The following COL8A1 variants were observed in gnomAD, a reference collection of about 807,000 sequenced individuals.
COL8A1 encodes the protein collagen type VIII alpha 1 chain, also known as collagen alpha-1(VIII) chain.
A neutral mutation model predicts 42.7 loss-of-function variants in COL8A1; 21 were observed. The observed-to-expected ratio is 0.49, with a 90% CI of 0.35 to 0.71. The LOEUF is 0.71. Among genes scored for constraint, COL8A1 ranks in the 30% least tolerant of loss-of-function variants. The pLI is 0.01. For synonymous variants in COL8A1, 367 were observed against 369.1 expected, an observed-to-expected ratio of 0.99 and a Z score of 0.06; for missense variants, 788 against 962.4, an observed-to-expected ratio of 0.82 and a Z score of 2.40.
intron 2 of COL8A1, among the ~76,000 whole-genome samples, chr3:99,746,722 T>G (rs1559625842): frequency 6.6e-6 from 1 of 152,230 alleles, no homozygotes; most frequent in Non-Finnish European, 1.5e-5. Context: ...TTCAATAAAC[T>G]ATTTCATTCA....
chr3:99,679,286 C>T (rs1938794401), intron 1 of COL8A1: 1 of 152,154 alleles, frequency 6.6e-6, no homozygotes, highest in South Asian at 2.1e-4. Context: ...CAGATGGAAG[C>T]TGGACACATG....
intron 1 of COL8A1, among the ~76,000 whole-genome samples, chr3:99,722,669 G>T (rs1433870467): frequency 2.0e-5 from 3 of 151,916 alleles, no homozygotes; most frequent in East Asian, 1.9e-4. Flanking sequence ...TAACTTTTTT[G>T]TCCATCTCTT....
chr3:99,650,757 C>T (rs1031915093), intron 1 of COL8A1, among the ~76,000 whole-genome samples: 1 of 152,148 alleles, frequency 6.6e-6, no homozygotes, highest in Non-Finnish European at 1.5e-5. Flanking sequence ...GGATTTTTTA[C>T]ATTTTATTTT....
At chr3:99,743,393 C>T (rs1446273049) in intron 1 of COL8A1, among the ~76,000 whole-genome samples, 3 of 152,226 alleles carry the variant, frequency 2.0e-5, no homozygotes, top group Non-Finnish European at 2.9e-5. Flanking sequence ...GCTGTATCCA[C>T]CCTTCAGGCC....
chr3:99,652,682 G>C (rs1186950320), intron 1 of COL8A1, among the ~76,000 whole-genome samples: 2 of 152,190 alleles, frequency 1.3e-5, no homozygotes, highest in East Asian at 1.9e-4. Context: ...TTTTCAAGAA[G>C]AGAACCCAAA....
intron 1 of COL8A1, among the ~76,000 whole-genome samples, chr3:99,695,334 G>T (rs1939336607): frequency 6.6e-6 from 1 of 152,104 alleles, no homozygotes; most frequent in African/African-American, 2.4e-5. Context: ...AAGCATAAAT[G>T]ATTTTTAAAC....
chr3:99,719,228 A>C (rs1940083884), intron 1 of COL8A1, among the ~76,000 whole-genome samples: 1 of 152,106 alleles, frequency 6.6e-6, no homozygotes. Context: ...TTATCATTAA[A>C]GACTTAAAAA....
rs201189348 is a variant in COL8A1 at position 99,795,885 on chromosome 3, T to A, written c.1984T>A (p.Tyr662Asn). 3.7e-6 allele frequency: 6 copies of A among 1,614,204 alleles called. No homozygotes were observed. Among genetic ancestry groups the A allele is most frequent in the Non-Finnish European group, 5.1e-6 (6 of 1,180,026 alleles). ...IFTCEVPGVYYFAYHVHCKGG... is the reference protein window; with the variant it reads ...IFTCEVPGVYNFAYHVHCKGG... ...CACCTGTGAGGTCCCTGGTGTCTAC[T>A]ACTTTGCATACCACGTTCACTGCAA... The change falls in exon 4 of 4, where the codon TAC becomes AAC. Residue 662 changes from tyrosine to asparagine, a missense_variant. Coordinates refer to ENST00000652472, the MANE Select transcript of COL8A1 (RefSeq NM_020351.4).
In COL8A1 at chr3:99,787,153, G is replaced by A. The variant is rs78747143; in HGVS notation, c.-3-3527G>A. 2.5e-3 allele frequency among the ~76,000 whole-genome samples: 375 copies of A among 152,232 alleles called. 1 individual carries two copies. The highest frequency in any genetic ancestry group is 8.6e-3 in the African/African-American group (356 of 41,538). The stretch of plus-strand genomic sequence containing the variant: ...GTATAGTAAGCCAATGAGGATAAAC[G>A]TACAAATAGAATGCTGATGAGCATT... On this transcript the variant is annotated intron_variant, in intron 2 of 3. Transcript: ENST00000652472.
chr3:99,786,196 C>T (rs565627385), intron 2 of COL8A1, among the ~76,000 whole-genome samples: 4 of 152,262 alleles, frequency 2.6e-5, no homozygotes, highest in African/African-American at 9.6e-5. Context: ...TCCAAAACAT[C>T]GGAGCTCTTC....
At chr3:99,725,579 C>A (rs1347554752) in intron 1 of COL8A1, among the ~76,000 whole-genome samples, 1 of 109,656 alleles carries the variant, frequency 9.1e-6, no homozygotes, top group Non-Finnish European at 1.7e-5. Flanking sequence ...CCCCACCCTA[C>A]AACAGTCCCA....
At chr3:99,756,661 C>T (rs553437443) in intron 2 of COL8A1, among the ~76,000 whole-genome samples, 6 of 152,146 alleles carry the variant, frequency 3.9e-5, no homozygotes, top group Non-Finnish European at 8.8e-5. Flanking sequence ...GGTCTCTGAG[C>T]CAGTGGTTCT....
At chr3:99,714,751 C>A (rs1470391531) in intron 1 of COL8A1, among the ~76,000 whole-genome samples, 1 of 152,018 alleles carries the variant, frequency 6.6e-6, no homozygotes, top group Admixed American at 6.6e-5. Context: ...AAAGTGCTCA[C>A]ACTCTAGTGG....
At chr3:99,646,770 A>C (rs1237001793) in intron 1 of COL8A1, among the ~76,000 whole-genome samples, 5 of 152,222 alleles carry the variant, frequency 3.3e-5, no homozygotes, top group Non-Finnish European at 7.3e-5. Flanking sequence ...GGTAAGTGGA[A>C]AGTAAAAAAA....
At chr3:99,765,660 C>G (rs995725568) in intron 2 of COL8A1, among the ~76,000 whole-genome samples, 2 of 152,122 alleles carry the variant, frequency 1.3e-5, no homozygotes, top group Non-Finnish European at 2.9e-5. Flanking sequence ...GTGGTATTTT[C>G]TCAATATCAT....
chr3:99,664,774 T>C lies in COL8A1; in HGVS notation c.-129+26110T>C, dbSNP rs185167803. Among the ~76,000 whole-genome samples the C allele has an allele frequency of 2.0e-5, 3 of 152,330 alleles. No homozygotes were observed. In the East Asian group the frequency reaches 5.8e-4, roughly 29 times the overall value. The stretch of plus-strand genomic sequence containing the variant: ...AACCTGCTTTCCATCGACTGAAGAA[T>C]CTTAATTGCATAGTATCAACTGGCT... On this transcript the variant is annotated intron_variant, in intron 1 of 3. Transcript: ENST00000652472.
chr3:99,662,694 G>T (rs901525663), intron 1 of COL8A1, among the ~76,000 whole-genome samples: 7 of 152,266 alleles, frequency 4.6e-5, no homozygotes, highest in East Asian at 1.9e-4. Flanking sequence ...AGGCCGGAAG[G>T]GTTAGTTTCT....
intron 1 of COL8A1, among the ~76,000 whole-genome samples, chr3:99,659,282 C>T (rs1319249812): frequency 1.3e-5 from 2 of 152,160 alleles, no homozygotes; most frequent in African/African-American, 4.8e-5. Flanking sequence ...CGTGGAGGAG[C>T]CAGTGCTTTC....
At chr3:99,789,114 T>C (rs1576477550) in intron 2 of COL8A1, among the ~76,000 whole-genome samples, 1 of 152,196 alleles carries the variant, frequency 6.6e-6, no homozygotes, top group African/African-American at 2.4e-5. Flanking sequence ...AATTTTGTGA[T>C]AGGGATTCAT....
Sources: allele counts gnomAD v4.1 joint callset (sites outside exome capture counted in the v4.1 genomes callset), GRCh38; gene constraint gnomAD v4.1.1; transcripts MANE v1.5; gene names NCBI Gene and HGNC (gene_info 2026-07-23, HGNC 2026-07-21).